Variants in SORCS2 observed in about 807,000 individuals in gnomAD.
SORCS2 encodes the protein VPS10 domain-containing receptor SorCS2.
In SORCS2, 100 loss-of-function variants were observed where a neutral mutation model predicts 141.6. That is an observed-to-expected ratio of 0.71 (90% CI 0.60 to 0.83). The LOEUF is 0.83. Among genes scored for constraint, SORCS2 ranks in the 40% least tolerant of loss-of-function variants. The pLI is 0.00. For synonymous variants in SORCS2, 789 were observed against 676.9 expected (o/e 1.17, Z -2.57); for missense variants, 1,646 against 1,560.2 (o/e 1.05, Z -0.93).
At chr4:7,612,442 G>A (rs1013854736) in intron 3 of SORCS2, among the ~76,000 whole-genome samples, 1 of 152,130 alleles carries the variant, frequency 6.6e-6, no homozygotes, top group African/African-American at 2.4e-5. Flanking sequence ...CGGGGGTCTG[G>A]GTTCATCTCC....
At chr4:7,421,815 C>G (rs73084292) in intron 2 of SORCS2, among the ~76,000 whole-genome samples, 5,857 of 147,994 alleles carry the variant, frequency 0.04, 378 homozygotes, top group African/African-American at 0.13. Context: ...GTCACTGAGG[C>G]CTCCTGCCTG....
intron 1 of SORCS2, among the ~76,000 whole-genome samples, chr4:7,198,880 T>G (rs1053659540): frequency 4.6e-5 from 7 of 152,044 alleles, no homozygotes; most frequent in Non-Finnish European, 8.8e-5. Flanking sequence ...AACCACAGGC[T>G]CGCACGGTGA....
intron 1 of SORCS2, among the ~76,000 whole-genome samples, chr4:7,337,533 C>A (rs1185771576): frequency 6.6e-6 from 1 of 152,048 alleles, no homozygotes; most frequent in Non-Finnish European, 1.5e-5. Flanking sequence ...GGAGACCTGG[C>A]TTGTTGGAGG....
intron 1 of SORCS2, among the ~76,000 whole-genome samples, chr4:7,383,554 A>C (rs1368050270): frequency 6.6e-6 from 1 of 152,170 alleles, no homozygotes; most frequent in African/African-American, 2.4e-5. Flanking sequence ...TTTCTGCTTT[A>C]AAAACAGGAT....
chr4:7,377,788 C>G (rs1175488022), intron 1 of SORCS2, among the ~76,000 whole-genome samples: 3 of 152,132 alleles, frequency 2.0e-5, no homozygotes, highest in Non-Finnish European at 2.9e-5. Context: ...CAAGTCGGGC[C>G]AGTGAAGGGA....
chr4:7,683,312 AGTG>A (rs1560480947), intron 10 of SORCS2, among the ~76,000 whole-genome samples: 13 of 135,498 alleles, frequency 9.6e-5, no homozygotes, highest in African/African-American at 2.7e-4. Flanking sequence ...GGCTCAGCTG[AGTG>A]GCTCTGCTGA....
At chr4:7,426,255 C>A (rs1434153323) in intron 2 of SORCS2, among the ~76,000 whole-genome samples, 1 of 149,844 alleles carries the variant, frequency 6.7e-6, no homozygotes, top group Non-Finnish European at 1.5e-5. Flanking sequence ...TTTTTCCCCA[C>A]CCTCAATGAG....
At chr4:7,605,333 T>C (rs1213945041) in intron 3 of SORCS2, among the ~76,000 whole-genome samples, 1 of 152,184 alleles carries the variant, frequency 6.6e-6, no homozygotes, top group Non-Finnish European at 1.5e-5. Context: ...ATGTTCACCC[T>C]GAGTTTCGGG....
chr4:7,201,615 T>G lies in SORCS2; in HGVS notation c.480+8489T>G, dbSNP rs924405545. ...CAGCTGGGACGCTGCCGAGAACCCCTGTGCCTTTTCCGGTGCAGGAAGAAA... is the reference window on the plus strand; with the variant it reads ...CAGCTGGGACGCTGCCGAGAACCCCGGTGCCTTTTCCGGTGCAGGAAGAAA... On this transcript the variant is annotated intron_variant, in intron 1 of 26. Coordinates refer to ENST00000507866, the MANE Select transcript of SORCS2 (RefSeq NM_020777.3). The surrounding 1 kb of genome is among the most constrained non-coding windows in gnomAD (Gnocchi z 4.4). Among the ~76,000 whole-genome samples the G allele has an allele frequency of 1.3e-5, 2 of 152,230 alleles. No homozygotes were observed. The highest frequency in any genetic ancestry group is 4.8e-5 in the African/African-American group (2 of 41,460).
rs138370029 is a variant in SORCS2, at chr4:7,473,587, C to T, written c.549-57943C>T. ...TAAGAATCCTGGTGTGGGGGTGAGA[C>T]TGGAAACCCAAGACAGAATCGGGTC... On this transcript the variant is annotated intron_variant, in intron 2 of 26. Coordinates refer to ENST00000507866, the MANE Select transcript of SORCS2 (RefSeq NM_020777.3). Among the ~76,000 whole-genome samples the T allele has an allele frequency of 6.3e-3, 954 of 152,272 alleles. 13 individuals carry two copies. Among genetic ancestry groups the T allele is most frequent in the African/African-American group, 0.02 (842 of 41,552 alleles).
chr4:7,469,593 T>C (rs961100449), intron 2 of SORCS2, among the ~76,000 whole-genome samples: 2 of 152,302 alleles, frequency 1.3e-5, no homozygotes, highest in African/African-American at 4.8e-5. Context: ...CCACTGAGGC[T>C]TCCAAGTCTC....
intron 1 of SORCS2, among the ~76,000 whole-genome samples, chr4:7,339,943 G>A (rs1720265668): frequency 6.6e-6 from 1 of 152,204 alleles, no homozygotes; most frequent in Non-Finnish European, 1.5e-5. Context: ...TGCTTTCCAT[G>A]AGGACTTGCC....
intron 2 of SORCS2, among the ~76,000 whole-genome samples, chr4:7,504,441 G>A (rs906087934): frequency 6.6e-6 from 1 of 152,210 alleles, no homozygotes; most frequent in Non-Finnish European, 1.5e-5. Flanking sequence ...TGGGCCCTCG[G>A]ATGCAGAGCA....
At chr4:7,354,944 T>G (rs192962967) in intron 1 of SORCS2, among the ~76,000 whole-genome samples, 222 of 152,318 alleles carry the variant, frequency 1.5e-3, no homozygotes, top group African/African-American at 5.1e-3. Context: ...GTGGCTTTTA[T>G]CAATATTTTA....
chr4:7,678,838 G>A (rs1349821813), intron 9 of SORCS2, among the ~76,000 whole-genome samples: 1 of 152,118 alleles, frequency 6.6e-6, no homozygotes, highest in African/African-American at 2.4e-5. Context: ...GAACTGGTAT[G>A]TATTTGCTGT....
intron 2 of SORCS2, among the ~76,000 whole-genome samples, chr4:7,484,080 T>C (rs1730826113): frequency 6.6e-6 from 1 of 152,212 alleles, no homozygotes; most frequent in Non-Finnish European, 1.5e-5. Flanking sequence ...TCTCTTTGCT[T>C]GCCTGGTGTT....
intron 1 of SORCS2, among the ~76,000 whole-genome samples, chr4:7,291,191 G>A (rs1235625161): frequency 2.0e-5 from 3 of 152,158 alleles, no homozygotes; most frequent in East Asian, 1.9e-4. Flanking sequence ...CGGATGAGGC[G>A]GCGGTGGGGG....
intron 3 of SORCS2, among the ~76,000 whole-genome samples, chr4:7,637,618 G>C (rs886355943): frequency 6.6e-6 from 1 of 152,224 alleles, no homozygotes; most frequent in African/African-American, 2.4e-5. Context: ...TTAGCACTGA[G>C]CCAGCTGGGT....
chr4:7,458,134 T>C (rs1729041551), intron 2 of SORCS2, among the ~76,000 whole-genome samples: 1 of 151,982 alleles, frequency 6.6e-6, no homozygotes, highest in South Asian at 2.1e-4. Context: ...GGAAGGGTCT[T>C]CCGGAAAGAG....
Sources: gnomAD v4.1 joint callset for allele counts (sites outside exome capture counted in the v4.1 genomes callset) on GRCh38, gnomAD v4.1.1 for gene constraint, Gnocchi (gnomAD v3.1) non-coding constraint, MANE v1.5 for transcripts, NCBI Gene and HGNC (gene_info 2026-07-23, HGNC 2026-07-21) for gene names.